PPA2: variants seen among roughly 807,000 people sequenced by gnomAD.
The protein encoded by PPA2 is inorganic pyrophosphatase 2, mitochondrial.
A neutral mutation model predicts 49.5 loss-of-function variants in PPA2; 48 were observed. The observed-to-expected ratio is 0.97, with a 90% CI of 0.77 to 1.23. The LOEUF is 1.23. PPA2 is among the 50% of genes most tolerant of loss of function. PPA2 has a pLI of 0.00. For synonymous variants in PPA2, 131 were observed against 139.9 expected (o/e 0.94, Z 0.45); for missense variants, 429 against 410.1 (o/e 1.05, Z -0.40).
chr4:105,472,724 C>T (rs914656126), intron 1 of PPA2, among the ~76,000 whole-genome samples: 1 of 152,178 alleles, frequency 6.6e-6, no homozygotes, highest in Non-Finnish European at 1.5e-5. Context: ...TATAATCACA[C>T]GACTTTAGGC....
At chr4:105,416,750 A>C (rs1299967118) in intron 7 of PPA2, among the ~76,000 whole-genome samples, 1 of 152,206 alleles carries the variant, frequency 6.6e-6, no homozygotes, top group Non-Finnish European at 1.5e-5. Context: ...ACTGTTCTGC[A>C]TATCTACGTT....
At chr4:105,405,610 A>G in intron 7 of PPA2, 1 of 1,009,294 alleles carries the variant, frequency 9.9e-7, no homozygotes, top group South Asian at 3.9e-5. Context: ...CAGCAAATAA[A>G]AAGACTCCTC....
intron 1 of PPA2, among the ~76,000 whole-genome samples, chr4:105,460,645 G>A (rs1396418798): frequency 2.0e-5 from 3 of 152,132 alleles, no homozygotes; most frequent in Non-Finnish European, 4.4e-5. Context: ...TGATAGAAAT[G>A]AACAATAATT....
In PPA2 at chr4:105,370,605, C is replaced by T. The variant is rs36112402; in HGVS notation, c.976+232G>A. 228,235 of 970,802 alleles carry T rather than the reference C, an allele frequency of 0.24. 27,665 individuals carry two copies. Among genetic ancestry groups the T allele is most frequent in the East Asian group, 0.43 (3,741 of 8,636 alleles). The allele number at this position is 970,802 out of a possible 1,614,324, so 60.1% of individuals were successfully genotyped here. A position where few individuals can be genotyped will look rare whatever the true frequency, so the allele number is the denominator to read the frequency against. On this transcript the variant is annotated intron_variant, in intron 11 of 11. Coordinates refer to ENST00000341695, the MANE Select transcript of PPA2 (RefSeq NM_176869.3). ...GTACTTCAGCGAAAAAAAAAGTCAC[C>T]GTACAATCAAATCATTTTCTAACCT...
intron 1 of PPA2, among the ~76,000 whole-genome samples, chr4:105,471,046 T>A (rs78305635): frequency 6.6e-6 from 1 of 152,186 alleles, no homozygotes; most frequent in South Asian, 2.1e-4. Context: ...TTTCCAGAAC[T>A]TAAATAGGCA....
At chr4:105,406,215 A>C (rs1722470360) in intron 7 of PPA2, among the ~76,000 whole-genome samples, 1 of 151,924 alleles carries the variant, frequency 6.6e-6, no homozygotes, top group African/African-American at 2.4e-5. Context: ...AAAAAACAAA[A>C]AAACAGGGAA....
At chr4:105,437,280 T>C (rs1301730372) in intron 6 of PPA2, among the ~76,000 whole-genome samples, 1 of 151,994 alleles carries the variant, frequency 6.6e-6, no homozygotes, top group Non-Finnish European at 1.5e-5. Context: ...AAATTAAAGG[T>C]AAGATGTTCT....
At chr4:105,392,420 C>T (rs188576531) in intron 9 of PPA2, among the ~76,000 whole-genome samples, 1 of 152,244 alleles carries the variant, frequency 6.6e-6, no homozygotes, top group Admixed American at 6.5e-5. Flanking sequence ...TGCCTGTAAT[C>T]CCCGCACTTT....
chr4:105,473,724 C>T, intron 1 of PPA2, 170 bp downstream of exon 1: 1 of 1,045,342 alleles, frequency 9.6e-7, no homozygotes, highest in South Asian at 1.3e-5. Flanking sequence ...GTTCTCGTGA[C>T]TCGGTGCGCG....
At chr4:105,413,561 TCTTCATAATTAAAATAAC>T (rs1722863120) in intron 7 of PPA2, among the ~76,000 whole-genome samples, 1 of 152,110 alleles carries the variant, frequency 6.6e-6, no homozygotes, top group Non-Finnish European at 1.5e-5. Context: ...TTATTAGAAG[TCTTCATAATTAAAATAAC>T]ATGATGCTGG....
At chr4:105,371,846 A>C (rs747216377) in intron 10 of PPA2, among the ~76,000 whole-genome samples, 1 of 152,170 alleles carries the variant, frequency 6.6e-6, no homozygotes, top group Non-Finnish European at 1.5e-5. Context: ...AGGATTCCAG[A>C]CACCTTAGAG....
chr4:105,392,797 T>C (rs1024819162), intron 9 of PPA2, among the ~76,000 whole-genome samples: 1 of 152,352 alleles, frequency 6.6e-6, no homozygotes, highest in South Asian at 2.1e-4. Flanking sequence ...GGCATCTTTA[T>C]TCATCTGCTC....
chr4:105,382,021 A>G (rs1733509859), intron 10 of PPA2, among the ~76,000 whole-genome samples: 1 of 152,056 alleles, frequency 6.6e-6, no homozygotes, highest in Non-Finnish European at 1.5e-5. Flanking sequence ...AATTTCTGCT[A>G]TATTGTATAC....
chr4:105,472,881 T>A (rs1254725837), intron 1 of PPA2, among the ~76,000 whole-genome samples: 3 of 152,198 alleles, frequency 2.0e-5, no homozygotes, highest in African/African-American at 7.2e-5. Context: ...TCAGTTTACA[T>A]ATATAATGTC....
At chr4:105,402,304 G>A (rs530975051) in intron 7 of PPA2, among the ~76,000 whole-genome samples, 2 of 151,940 alleles carry the variant, frequency 1.3e-5, no homozygotes, top group South Asian at 2.1e-4. Flanking sequence ...AACATTAGGA[G>A]GAAAAAAACC....
chr4:105,450,724 C>T (rs528402248), intron 3 of PPA2, among the ~76,000 whole-genome samples: 42 of 151,520 alleles, frequency 2.8e-4, no homozygotes, highest in Non-Finnish European at 5.9e-4. Context: ...TCTCCTGCCT[C>T]GGCCTCCCGA....
intron 1 of PPA2, among the ~76,000 whole-genome samples, chr4:105,469,839 A>T (rs950781510): frequency 6.6e-6 from 1 of 152,240 alleles, no homozygotes; most frequent in Non-Finnish European, 1.5e-5. Flanking sequence ...CATATTTAAG[A>T]CTCAAACAAA....
In PPA2 at chr4:105,405,980, T is replaced by C. The variant is rs762834036; in HGVS notation, c.656-6816A>G. On this transcript the variant is annotated intron_variant, in intron 7 of 11. Transcript: ENST00000341695. ...CAAGAGAAAAAGCAGTTAACAGAAA[T>C]CAATCCTTATGTGACCTATGCAAAC... 6 of 349,906 alleles carry C rather than the reference T, an allele frequency of 1.7e-5. No individual in the cohort carries two copies. In the East Asian group the frequency reaches 3.2e-4, roughly 18 times the overall value. 21.7% of individuals were successfully genotyped at this position (349,906 alleles called of 1,614,324 possible).
intron 1 of PPA2, among the ~76,000 whole-genome samples, chr4:105,460,856 C>CATATATATATATATAT (rs1491341057): frequency 3.6e-5 from 5 of 139,258 alleles, no homozygotes; most frequent in Non-Finnish European, 6.0e-5. Flanking sequence ...GATGTAAGAT[C>CATATATATATATATAT]ACATATATAT....
Sources: gnomAD v4.1 joint callset for allele counts (sites outside exome capture counted in the v4.1 genomes callset) on GRCh38, gnomAD v4.1.1 for gene constraint, MANE v1.5 for transcripts, NCBI Gene and HGNC (gene_info 2026-07-23, HGNC 2026-07-21) for gene names.